Variants in PPP1R21 observed in about 807,000 individuals in gnomAD.
The protein encoded by PPP1R21 is KLRAQ motif containing 1.
PPP1R21 carries 85 observed loss-of-function variants against 112.8 expected under a neutral mutation model. The ratio of observed to expected loss-of-function variants is 0.75; its 90% CI spans 0.63 to 0.90. PPP1R21 has a LOEUF of 0.90. PPP1R21 is among the 40% of genes least tolerant of loss of function. PPP1R21 has a pLI of 0.00. For synonymous variants in PPP1R21, 381 were observed against 322.3 expected (o/e 1.18, Z -1.95); for missense variants, 1,199 against 901.5 (o/e 1.33, Z -4.23).
intron 21 of PPP1R21, among the ~76,000 whole-genome samples, chr2:48,512,882 T>C (rs565007213): frequency 6.6e-6 from 1 of 152,198 alleles, no homozygotes; most frequent in Non-Finnish European, 1.5e-5. Flanking sequence ...TTTCTTGTTA[T>C]TCCATATTCC....
At chr2:48,477,748 G>A (rs1668823220) in intron 12 of PPP1R21, among the ~76,000 whole-genome samples, 1 of 150,206 alleles carries the variant, frequency 6.7e-6, no homozygotes, top group South Asian at 2.1e-4. Flanking sequence ...AGCTTGTGTT[G>A]ATGTCTACAA....
rs1293329815 is a variant in PPP1R21, at chr2:48,474,703, C to T, written c.1109C>T (p.Ser370Phe). 6.2e-7 allele frequency: 1 copy of T among 1,607,266 alleles called. No individual in the cohort carries two copies. The highest frequency in any genetic ancestry group is 8.5e-7 in the Non-Finnish European group (1 of 1,177,116). Reference protein sequence around the residue: ...QLKSLEEECESSLCTSALRAR... With the variant: ...QLKSLEEECEFSLCTSALRAR... ...CCTAGTTTAGAAGAAGAATGTGAAT[C>T]CTCTCTTTGCACATCTGCGTTAAGA... The change falls in exon 12 of 22, where the codon TCC becomes TTC. Residue 370 changes from serine (S) to phenylalanine (F), a missense_variant. Ser to Phe is a radical substitution (Grantham distance 155). Transcript: ENST00000294952.
intron 12 of PPP1R21, 119 bp downstream of exon 12, chr2:48,474,938 C>A: frequency 1.2e-6 from 1 of 847,650 alleles, no homozygotes; most frequent in Non-Finnish European, 1.8e-6. Flanking sequence ...ATCAGGAAAA[C>A]TTGAATTCAA....
At chr2:48,461,977 C>T (rs1438418753) in intron 7 of PPP1R21, among the ~76,000 whole-genome samples, 2 of 152,080 alleles carry the variant, frequency 1.3e-5, no homozygotes, top group African/African-American at 4.8e-5. Flanking sequence ...TTAAAATCAG[C>T]CCATGTCATT....
intron 21 of PPP1R21, among the ~76,000 whole-genome samples, chr2:48,512,454 A>G (rs962412756): frequency 6.8e-6 from 1 of 147,908 alleles, no homozygotes; most frequent in Non-Finnish European, 1.5e-5. Flanking sequence ...AGTCTTTGAG[A>G]TCTGCTGCTG....
chr2:48,478,380 C>T (rs1178149455), intron 12 of PPP1R21, among the ~76,000 whole-genome samples: 1 of 152,170 alleles, frequency 6.6e-6, no homozygotes, highest in Non-Finnish European at 1.5e-5. Context: ...AACACATCTT[C>T]TAGTTTTTAG....
At chr2:48,510,145 G>GT (rs1670572927) in intron 20 of PPP1R21, 32 bp downstream of exon 20, 1 of 1,529,264 alleles carries the variant, frequency 6.5e-7, no homozygotes, top group Non-Finnish European at 9.0e-7. Context: ...TGGTTTTAAT[G>GT]TTTTTTCATT....
At chr2:48,506,301 C>T (rs891932933) in intron 18 of PPP1R21, among the ~76,000 whole-genome samples, 13 of 152,122 alleles carry the variant, frequency 8.5e-5, no homozygotes, top group African/African-American at 3.1e-4. Flanking sequence ...GCCATGTTGG[C>T]CAGGCTGGTC....
At chr2:48,499,299 T>C (rs1390281211) in intron 17 of PPP1R21, among the ~76,000 whole-genome samples, 1 of 152,230 alleles carries the variant, frequency 6.6e-6, no homozygotes, top group Non-Finnish European at 1.5e-5. Context: ...TTCCTCATGG[T>C]GAGGACTATG....
At chr2:48,460,065 A>G (rs370010418) in intron 5 of PPP1R21, 30 bp from the exon 6 acceptor site, 7 of 1,613,370 alleles carry the variant, frequency 4.3e-6, no homozygotes, top group Non-Finnish European at 5.1e-6. Flanking sequence ...AGCCTGAGCC[A>G]TCTGTGTTTC....
chr2:48,440,831 G>GCGGCGGCGGCGT lies in PPP1R21; in HGVS notation c.-119_-118insGGCGGCGTCGGC, dbSNP rs2103709735. On this transcript the variant is annotated 5_prime_UTR_variant, in exon 1 of 22. Coordinates refer to ENST00000294952, the MANE Select transcript of PPP1R21 (RefSeq NM_001135629.3). ...AGGAGGCGCGGCGGCGGCGGCGGCGGCGGCTGCGGTGGCCAAGCAGGCAGA... is the reference window on the plus strand; with the variant it reads ...AGGAGGCGCGGCGGCGGCGGCGGCGGCGGCGGCGGCGTCGGCTGCGGTGGCCAAGCAGGCAGA... 1 of 703,884 alleles carries GCGGCGGCGGCGT rather than the reference G, an allele frequency of 1.4e-6. No homozygotes were observed. The highest frequency in any genetic ancestry group is 1.7e-5 in the South Asian group (1 of 58,994). 43.6% of individuals were successfully genotyped at this position (703,884 alleles called of 1,614,324 possible). A position where few individuals can be genotyped will look rare whatever the true frequency, so the allele number is the denominator to read the frequency against.
At position 48,480,125 on chromosome 2, in the gene PPP1R21, G is replaced by A. The variant is rs1374790763; in HGVS notation, c.1318+109G>A. ...CAAGGGTAATAGACCCCAGATAAAG[G>A]CTTATTAGCATTTGGCTTATGTTGA... is the stretch of plus-strand genomic sequence containing the variant. On this transcript the variant is annotated intron_variant, in intron 13 of 21. Transcript: ENST00000294952. 4 of 774,692 alleles carry A rather than the reference G, an allele frequency of 5.2e-6. No individual in the cohort carries two copies. The Admixed American group carries it at 7.6e-5, about 15-fold the overall frequency. 48.0% of individuals were successfully genotyped at this position (774,692 alleles called of 1,614,324 possible).
At chr2:48,454,453 A>T in intron 2 of PPP1R21, 142 bp from the exon 3 acceptor site, 1 of 923,192 alleles carries the variant, frequency 1.1e-6, no homozygotes, top group South Asian at 1.6e-5. Context: ...AAACTTAAGA[A>T]CTGAAGTGAT....
intron 15 of PPP1R21, among the ~76,000 whole-genome samples, chr2:48,492,549 C>T (rs1669618111): frequency 6.6e-6 from 1 of 152,176 alleles, no homozygotes; most frequent in Non-Finnish European, 1.5e-5. Flanking sequence ...GTTAATTCTA[C>T]TTTTTTACTG....
At position 48,498,636 on chromosome 2, in the gene PPP1R21, G is replaced by C; in HGVS notation, c.1836G>C (p.Leu612=). 1 of 1,614,234 alleles carries C rather than the reference G, an allele frequency of 6.2e-7. No homozygotes were observed. The highest frequency in any genetic ancestry group is 8.5e-7 in the Non-Finnish European group (1 of 1,180,038). ...DKLKNTGSAQ[L]VGLAQENAAV... ...TGAAGAATACAGGTAGTGCCCAGCTGGTTGGGCTGGCCCAGGAAAATGCTG... is the reference window on the plus strand; with the variant it reads ...TGAAGAATACAGGTAGTGCCCAGCTCGTTGGGCTGGCCCAGGAAAATGCTG... The change falls in exon 17 of 22, where the codon CTG becomes CTC. Residue 612 remains leucine, a synonymous_variant. Coordinates refer to ENST00000294952, the MANE Select transcript of PPP1R21 (RefSeq NM_001135629.3).
At chr2:48,450,772 T>C (rs1667436745) in intron 1 of PPP1R21, among the ~76,000 whole-genome samples, 1 of 150,716 alleles carries the variant, frequency 6.6e-6, no homozygotes, top group Non-Finnish European at 1.5e-5. Context: ...ATTTTTGCCA[T>C]TGATTTTTTT....
chr2:48,465,777 C>T, intron 9 of PPP1R21, 135 bp downstream of exon 9: 1 of 669,032 alleles, frequency 1.5e-6, no homozygotes, highest in Non-Finnish European at 2.3e-6. Flanking sequence ...AGTTTTTACT[C>T]TCAAAATAAA....
chr2:48,445,199 G>C (rs1349254512), intron 1 of PPP1R21, among the ~76,000 whole-genome samples: 2 of 147,966 alleles, frequency 1.4e-5, no homozygotes, highest in African/African-American at 5.0e-5. Flanking sequence ...AGTTGGGTTG[G>C]AAAACAGGTT....
intron 17 of PPP1R21, among the ~76,000 whole-genome samples, chr2:48,505,024 G>C (rs929726160): frequency 6.6e-6 from 1 of 152,054 alleles, no homozygotes; most frequent in Non-Finnish European, 1.5e-5. Flanking sequence ...AAAAAATCTA[G>C]TAGCATTTTA....
Sources: gnomAD v4.1 joint callset for allele counts (sites outside exome capture counted in the v4.1 genomes callset) on GRCh38, gnomAD v4.1.1 for gene constraint, MANE v1.5 for transcripts, NCBI Gene and HGNC (gene_info 2026-07-23, HGNC 2026-07-21) for gene names.